CDH13: variants seen among roughly 807,000 people sequenced by gnomAD.
CDH13 encodes cadherin-13.
Under a neutral mutation model 63.8 loss-of-function variants are expected in CDH13, and 24 were observed. The ratio of observed to expected loss-of-function variants is 0.38; its 90% CI spans 0.27 to 0.53. CDH13 has a LOEUF of 0.53. CDH13 is among the 20% of genes least tolerant of loss of function. The pLI is 0.85. For missense variants in CDH13, 1,049 were observed against 903.1 expected, an observed-to-expected ratio of 1.16 and a Z score of -2.07; for synonymous variants, 503 against 355.3, an observed-to-expected ratio of 1.42 and a Z score of -4.67.
intron 2 of CDH13, among the ~76,000 whole-genome samples, chr16:82,963,871 A>C (rs561575400): frequency 2.6e-3 from 389 of 152,260 alleles, no homozygotes; most frequent in Non-Finnish European, 4.4e-3. Flanking sequence ...GAGCAATGGC[A>C]AGGGCACCGG....
At chr16:83,181,516 T>G (rs1355885564) in intron 4 of CDH13, among the ~76,000 whole-genome samples, 3 of 152,160 alleles carry the variant, frequency 2.0e-5, no homozygotes, top group Non-Finnish European at 4.4e-5. Flanking sequence ...TTTTCTTCAA[T>G]AAAGCAAAAA....
At chr16:82,642,131 G>T (rs940547906) in intron 1 of CDH13, among the ~76,000 whole-genome samples, 1 of 147,780 alleles carries the variant, frequency 6.8e-6, no homozygotes, top group African/African-American at 2.5e-5. Context: ...TGGCAAATGT[G>T]TGTTCACTAG....
chr16:83,205,607 T>G (rs1567505396), intron 4 of CDH13, among the ~76,000 whole-genome samples: 1 of 141,596 alleles, frequency 7.1e-6, no homozygotes, highest in African/African-American at 2.7e-5. Context: ...GAAAACCTTT[T>G]TTTTTTTTTT....
At chr16:83,026,830 T>TG (rs1915851093) in intron 2 of CDH13, among the ~76,000 whole-genome samples, 1 of 152,092 alleles carries the variant, frequency 6.6e-6, no homozygotes, top group Non-Finnish European at 1.5e-5. Flanking sequence ...AACCATTCTT[T>TG]GGGGCTATGC....
rs79763326 is a variant in CDH13, at chr16:83,170,279, A to C, written c.483+44778A>C. ...ATTTTTCCTCTAGAAAAAAAATGTG[A>C]TCATTTTCTCAGACTCCCACCCTAC... is the stretch of plus-strand genomic sequence containing the variant. On this transcript the variant is annotated intron_variant, in intron 4 of 13. Transcript: ENST00000567109. Among the ~76,000 whole-genome samples the C allele has an allele frequency of 1.8e-4, 27 of 152,202 alleles. No individual in the cohort carries two copies. The East Asian group carries it at 5.2e-3, about 29-fold the overall frequency.
chr16:82,931,835 C>G (rs12447832), intron 2 of CDH13, among the ~76,000 whole-genome samples: 2 of 151,832 alleles, frequency 1.3e-5, no homozygotes, highest in Non-Finnish European at 2.9e-5. Flanking sequence ...TTATTTCCCA[C>G]ATGGTCCCAC....
intron 5 of CDH13, among the ~76,000 whole-genome samples, chr16:83,231,679 G>C (rs1005618773): frequency 2.0e-5 from 3 of 152,174 alleles, no homozygotes; most frequent in Non-Finnish European, 4.4e-5. Flanking sequence ...GAGTTGAATA[G>C]TTGTCAGAGT....
At chr16:83,255,584 T>C (rs1191659915) in intron 5 of CDH13, among the ~76,000 whole-genome samples, 1 of 152,238 alleles carries the variant, frequency 6.6e-6, no homozygotes, top group East Asian at 1.9e-4. Context: ...ACAAGGGCTG[T>C]GCTGGCCCAA....
At chr16:82,725,773 C>T (rs754987647) in intron 1 of CDH13, among the ~76,000 whole-genome samples, 1 of 152,100 alleles carries the variant, frequency 6.6e-6, no homozygotes, top group Non-Finnish European at 1.5e-5. Flanking sequence ...GAGAAATGTT[C>T]TTTTTTAATG....
chr16:83,395,331 A>T (rs978464461), intron 6 of CDH13, among the ~76,000 whole-genome samples: 1 of 151,742 alleles, frequency 6.6e-6, no homozygotes, highest in Non-Finnish European at 1.5e-5. Context: ...AAAAAAGTCA[A>T]GGAAGATCAA....
At chr16:83,549,908 G>A (rs1191623519) in intron 7 of CDH13, among the ~76,000 whole-genome samples, 2 of 152,132 alleles carry the variant, frequency 1.3e-5, no homozygotes, top group Admixed American at 6.6e-5. Flanking sequence ...AGACTCTGAC[G>A]GAGGTTTTAA....
At chr16:83,483,124 C>G (rs1047138639) in intron 6 of CDH13, among the ~76,000 whole-genome samples, 1 of 152,188 alleles carries the variant, frequency 6.6e-6, no homozygotes, top group Non-Finnish European at 1.5e-5. Flanking sequence ...CACGGTCACG[C>G]AGCTTGAAAA....
chr16:83,486,953 G>T (rs137921251), intron 7 of CDH13, among the ~76,000 whole-genome samples: 1 of 152,196 alleles, frequency 6.6e-6, no homozygotes, highest in Admixed American at 6.5e-5. Flanking sequence ...TCTGCCTCTG[G>T]CCCCTGCTTT....
chr16:83,609,536 C>G (rs1908668457), intron 8 of CDH13, among the ~76,000 whole-genome samples: 1 of 152,172 alleles, frequency 6.6e-6, no homozygotes, highest in African/African-American at 2.4e-5. Flanking sequence ...ATGATTCATT[C>G]TTCTTCATTA....
rs373661271 is a variant in CDH13 at position 82,699,169 on chromosome 16, T to C, written c.45+72032T>C. ...GATTGTTGAAGGTGGATATTTCTAA[T>C]AGCTCCCCTTTCATATGGGGAGAGA... is the stretch of plus-strand genomic sequence containing the variant. On this transcript the variant is annotated intron_variant, in intron 1 of 13. Coordinates refer to ENST00000567109, the MANE Select transcript of CDH13 (RefSeq NM_001257.5). Among the ~76,000 whole-genome samples the C allele has an allele frequency of 5.3e-5, 8 of 152,200 alleles. No individual in the cohort carries two copies. In the East Asian group the frequency reaches 7.7e-4, roughly 15 times the overall value.
At chr16:82,670,615 C>T (rs1913127441) in intron 1 of CDH13, among the ~76,000 whole-genome samples, 1 of 152,080 alleles carries the variant, frequency 6.6e-6, no homozygotes, top group Non-Finnish European at 1.5e-5. Context: ...GATGAGCTTC[C>T]AACAGATTCT....
At chr16:82,961,831 G>T (rs556790130) in intron 2 of CDH13, among the ~76,000 whole-genome samples, 4 of 152,302 alleles carry the variant, frequency 2.6e-5, no homozygotes, top group African/African-American at 9.6e-5. Flanking sequence ...TCACCGTTGG[G>T]ATGGGGGCTG....
chr16:83,673,370 G>T (rs561930996), intron 9 of CDH13, among the ~76,000 whole-genome samples: 3 of 151,926 alleles, frequency 2.0e-5, no homozygotes, highest in Non-Finnish European at 4.4e-5. Context: ...AATCATCCCC[G>T]CTCAGGAGTA....
intron 6 of CDH13, among the ~76,000 whole-genome samples, chr16:83,414,595 A>G (rs1210755565): frequency 6.6e-6 from 1 of 152,114 alleles, no homozygotes; most frequent in Non-Finnish European, 1.5e-5. Context: ...CTAGACCCTG[A>G]CAGACACCAA....
Sources: gnomAD v4.1 joint callset for allele counts (sites outside exome capture counted in the v4.1 genomes callset) on GRCh38, gnomAD v4.1.1 for gene constraint, MANE v1.5 for transcripts, NCBI Gene and HGNC (gene_info 2026-07-23, HGNC 2026-07-21) for gene names.